Variants in TP53BP1 observed in about 807,000 individuals in gnomAD.
The protein encoded by TP53BP1 is tumor protein p53 binding protein 1.
A neutral mutation model predicts 200.8 loss-of-function variants in TP53BP1; 61 were observed. The observed-to-expected ratio is 0.30, with a 90% CI of 0.25 to 0.38. The LOEUF is 0.38. Ranked by LOEUF, TP53BP1 falls within the 10% of genes least tolerant of loss-of-function variation. The pLI is 1.00. For synonymous variants in TP53BP1, 822 were observed against 844.3 expected (o/e 0.97, Z 0.46); for missense variants, 2,144 against 2,371.9 (o/e 0.90, Z 2.00).
Position 43,446,593 on chromosome 15 carries a change from G to GA in TP53BP1, c.2837-4dup. 6.2e-7 allele frequency: 1 copy of GA among 1,610,550 alleles called. No homozygotes were observed. Among genetic ancestry groups the GA allele is most frequent in the East Asian group, 2.2e-5 (1 of 44,818 alleles). On this transcript the variant is annotated splice_region_variant and splice_polypyrimidine_tract_variant and intron_variant, in intron 13 of 27. Transcript: ENST00000382044. ...GCTTTCTGGATAGTTGCTAATACCTGAAAGAAGTGAGGCAGGGAGGAAGAA... is the reference window on the plus strand; with the variant it reads ...GCTTTCTGGATAGTTGCTAATACCTGAAAAGAAGTGAGGCAGGGAGGAAGAA...
chr15:43,424,084 T>G (rs931743446), intron 18 of TP53BP1, among the ~76,000 whole-genome samples: 1 of 152,196 alleles, frequency 6.6e-6, no homozygotes, highest in African/African-American at 2.4e-5. Flanking sequence ...TCTGTGATCT[T>G]CCCTCCATTT....
intron 10 of TP53BP1, among the ~76,000 whole-genome samples, chr15:43,471,702 A>G (rs1294034196): frequency 6.6e-6 from 1 of 152,228 alleles, no homozygotes; most frequent in Non-Finnish European, 1.5e-5. Context: ...TATTGGGATT[A>G]CAGGTGTGAG....
At chr15:43,410,088 G>A (rs1417723404) in intron 24 of TP53BP1, among the ~76,000 whole-genome samples, 2 of 152,220 alleles carry the variant, frequency 1.3e-5, no homozygotes, top group Non-Finnish European at 2.9e-5. Flanking sequence ...CCATCAGGAA[G>A]TTCCCTTTGT....
rs1244066974 is a variant in TP53BP1, at chr15:43,447,492, A to G, written c.2717-7T>C. On this transcript the variant is annotated splice_polypyrimidine_tract_variant and splice_region_variant and intron_variant, in intron 12 of 27. Transcript: ENST00000382044. ...GTGAAATGAAATGGGGTTTCTGAAA[A>G]AAAAAAAAAAAAGAAAAAAGAAAGA... The G allele has an allele frequency of 2.7e-6, 4 of 1,460,432 alleles. No homozygotes were observed. Among genetic ancestry groups the G allele is most frequent in the Non-Finnish European group, 3.6e-6 (4 of 1,096,762 alleles). 90.5% of individuals were successfully genotyped at this position (1,460,432 alleles called of 1,614,324 possible). A position where few individuals can be genotyped will look rare whatever the true frequency, so the allele number is the denominator to read the frequency against.
Position 43,480,020 on chromosome 15 carries a change from AG to A in TP53BP1, c.500-4del, listed in dbSNP as rs1464501689. ...ACCCAACTGTGATGAGGCAGTATCT[AG>A]GAACAAAATGCCAAGAAATTAGGTA... On this transcript the variant is annotated splice_region_variant and splice_polypyrimidine_tract_variant and intron_variant, in intron 5 of 27. Transcript: ENST00000382044. The A allele has an allele frequency of 5.6e-6, 9 of 1,613,902 alleles. No homozygotes were observed. The highest frequency in any genetic ancestry group is 7.6e-6 in the Non-Finnish European group (9 of 1,179,856).
At position 43,457,017 on chromosome 15, in the gene TP53BP1, G is replaced by C. The variant is rs771965218; in HGVS notation, c.1591C>G (p.Pro531Ala). 2.6e-5 allele frequency: 42 copies of C among 1,614,106 alleles called. No individual in the cohort carries two copies. The highest frequency in any genetic ancestry group is 3.6e-5 in the Non-Finnish European group (42 of 1,180,014). Residue 531 changes from proline (P) to alanine (A), a missense_variant, in exon 12 of 28, where the codon CCA becomes GCA. Around this residue, in one of 4 missense-constraint regions of TP53BP1, gnomAD observed 1,700 missense variants for 1,710.3 expected, o/e 0.99. Coordinates refer to ENST00000382044, the MANE Select transcript of TP53BP1 (RefSeq NM_001141980.3). Reference protein sequence around the residue: ...MLSTSEYSQSPKMESLSSHRI... With the variant: ...MLSTSEYSQSAKMESLSSHRI... ...TGAGAACTCAAGCTCTCCATCTTTG[G>C]GGACTGACTATATTCACTTGTAGAA...
At chr15:43,502,420 C>T (rs1343857486) in intron 1 of TP53BP1, among the ~76,000 whole-genome samples, 2 of 152,122 alleles carry the variant, frequency 1.3e-5, no homozygotes, top group South Asian at 4.1e-4. Flanking sequence ...TTCTCACTAA[C>T]ATTTGGTTTG....
At chr15:43,459,842 T>C (rs1415508599) in intron 11 of TP53BP1, among the ~76,000 whole-genome samples, 1 of 152,106 alleles carries the variant, frequency 6.6e-6, no homozygotes, top group Non-Finnish European at 1.5e-5. Flanking sequence ...ATTTTTAAAA[T>C]GTCTTTTAGA....
rs1268721582 is a variant in TP53BP1 at position 43,422,094 on chromosome 15, C to T, written c.3861G>A (p.Glu1287=). The change falls in exon 19 of 28, where the codon GAG becomes GAA. Residue 1287 remains glutamate (E), a synonymous_variant. Transcript: ENST00000382044. ...GTGAAGGGGAAACTTCAGTTTCACACTCCTGACACTCTACAATTGGCTCTT... is the reference window on the plus strand; with the variant it reads ...GTGAAGGGGAAACTTCAGTTTCACATTCCTGACACTCTACAATTGGCTCTT... ...ETEEPIVECQ[E]CETEVSPSQT... The T allele has an allele frequency of 6.2e-7, 1 of 1,614,154 alleles. No homozygotes were observed. Among genetic ancestry groups the T allele is most frequent in the South Asian group, 1.1e-5 (1 of 91,084 alleles).
At chr15:43,437,026 G>A (rs995692907) in intron 16 of TP53BP1, among the ~76,000 whole-genome samples, 3 of 151,986 alleles carry the variant, frequency 2.0e-5, no homozygotes, top group African/African-American at 7.3e-5. Flanking sequence ...AGACACGGCA[G>A]CACATGCCTG....
Position 43,406,669 on chromosome 15 carries a change from G to A in TP53BP1, c.*714C>T. On this transcript the variant is annotated 3_prime_UTR_variant, in exon 28 of 28. Transcript: ENST00000382044. ...GCAGGGATCAGTGATGCCAGAGGAA[G>A]GGAAGGAACTGCTTCCAGCTATTGT... 1 of 451,670 alleles carries A rather than the reference G, an allele frequency of 2.2e-6. No individual in the cohort carries two copies. The highest frequency in any genetic ancestry group is 4.4e-6 in the Non-Finnish European group (1 of 225,612). 28.0% of individuals were successfully genotyped at this position (451,670 alleles called of 1,614,324 possible). A position where few individuals can be genotyped will look rare whatever the true frequency, so the allele number is the denominator to read the frequency against.
At chr15:43,468,496 A>T (rs1347047157) in intron 11 of TP53BP1, among the ~76,000 whole-genome samples, 1 of 150,708 alleles carries the variant, frequency 6.6e-6, no homozygotes, top group Admixed American at 6.6e-5. Context: ...GCAGTGAGCC[A>T]TGGTCGCACC....
At position 43,467,272 on chromosome 15, in the gene TP53BP1, C is replaced by T. The variant is rs189420245; in HGVS notation, c.1389+2586G>A. Reference sequence around the variant, plus strand: ...AGAAATGGGGTCTCGCTATGTTGCCCAGGCTGTTCTCAAACTCCTGGGCTC... The same window carrying T: ...AGAAATGGGGTCTCGCTATGTTGCCTAGGCTGTTCTCAAACTCCTGGGCTC... On this transcript the variant is annotated intron_variant, in intron 11 of 27. Transcript: ENST00000382044. Among the ~76,000 whole-genome samples, 100 of 152,166 alleles carry T rather than the reference C, an allele frequency of 6.6e-4. 1 individual carries two copies. The highest frequency in any genetic ancestry group is 1.2e-3 in the Admixed American group (18 of 15,278).
At position 43,405,440 on chromosome 15, in the gene TP53BP1, T is replaced by G; in HGVS notation, c.*1943A>C. ...CAAGGAGAACATGTGGCATCTCTGA[T>G]CCTTTACATTGAGAACATTTGTTGG... On this transcript the variant is annotated 3_prime_UTR_variant, in exon 28 of 28. Coordinates refer to ENST00000382044, the MANE Select transcript of TP53BP1 (RefSeq NM_001141980.3). 1 of 591,402 alleles carries G rather than the reference T, an allele frequency of 1.7e-6. No individual in the cohort carries two copies. The highest frequency in any genetic ancestry group is 3.0e-6 in the Non-Finnish European group (1 of 332,428). 36.6% of individuals were successfully genotyped at this position (591,402 alleles called of 1,614,324 possible). A position where few individuals can be genotyped will look rare whatever the true frequency, so the allele number is the denominator to read the frequency against.
intron 4 of TP53BP1, among the ~76,000 whole-genome samples, chr15:43,483,688 A>G (rs1332560828): frequency 6.6e-6 from 1 of 152,244 alleles, no homozygotes; most frequent in East Asian, 1.9e-4. Context: ...AAAATAGAAC[A>G]TTATCTATAT....
chr15:43,427,035 A>AAAGAAAAT (rs2045555655), intron 18 of TP53BP1, among the ~76,000 whole-genome samples: 3 of 151,358 alleles, frequency 2.0e-5, no homozygotes, highest in Admixed American at 1.3e-4. Context: ...AAAAAAAAAA[A>AAAGAAAAT]AGAAAATAGC....
chr15:43,428,987 C>T (rs2045613147), intron 17 of TP53BP1, among the ~76,000 whole-genome samples: 2 of 152,140 alleles, frequency 1.3e-5, no homozygotes, highest in Admixed American at 1.3e-4. Context: ...ACAGGTAAAA[C>T]TCATTCAACA....
chr15:43,417,379 T>C (rs1046364725), intron 21 of TP53BP1, among the ~76,000 whole-genome samples: 1 of 152,156 alleles, frequency 6.6e-6, no homozygotes, highest in African/African-American at 2.4e-5. Context: ...TGGTTCTCTA[T>C]CTATCCTGTG....
In TP53BP1 at chr15:43,409,705, G is replaced by A; in HGVS notation, c.5342C>T (p.Thr1781Ile). ...LEIPPFNKQY[T>I]ESQLRAGAGY... ...AGCTCCTGCTCGAAGCTGGGATTCT[G>A]TATACTGCTTGTTGAAAGGAGGAAT... Residue 1781 changes from threonine (T) to isoleucine (I), a missense_variant, in exon 25 of 28, where the codon ACA becomes ATA. Thr to Ile is a moderately conservative substitution (Grantham distance 89). Transcript: ENST00000382044. 6.4e-7 allele frequency: 1 copy of A among 1,569,478 alleles called. No homozygotes were observed. The highest frequency in any genetic ancestry group is 8.6e-7 in the Non-Finnish European group (1 of 1,160,252).
Sources: allele counts gnomAD v4.1 joint callset (sites outside exome capture counted in the v4.1 genomes callset), GRCh38; gene constraint gnomAD v4.1.1; regional missense constraint gnomAD v4.1.1; transcripts MANE v1.5; gene names NCBI Gene and HGNC (gene_info 2026-07-23, HGNC 2026-07-21).